The following PAPLN variants were observed in gnomAD, a reference collection of about 807,000 sequenced individuals.
PAPLN encodes the protein papilin.
PAPLN carries 146 observed loss-of-function variants against 159.0 expected under a neutral mutation model. The observed-to-expected ratio is 0.92, with a 90% CI of 0.80 to 1.05. The LOEUF is 1.05. PAPLN is among the 50% of genes least tolerant of loss of function. The pLI, the probability that PAPLN is intolerant of heterozygous loss-of-function variation, is 0.00. For missense variants in PAPLN, 1,720 were observed against 1,743.9 expected, an observed-to-expected ratio of 0.99 and a Z score of 0.24; for synonymous variants, 734 against 702.9, an observed-to-expected ratio of 1.04 and a Z score of -0.70.
In PAPLN at chr14:73,272,544, A is replaced by G; in HGVS notation, c.3717A>G (p.Pro1239=). 2 of 1,594,386 alleles carry G rather than the reference A, an allele frequency of 1.3e-6. No individual in the cohort carries two copies. The highest frequency in any genetic ancestry group is 1.7e-4 in the Middle Eastern group (1 of 5,994). ...CTGGCAGGGACTGCGTCGACCAGCC[A>G]GAGCTGGCCAACTGTGATTTGATCC... ...RDPGRDCVDQ[P]ELANCDLILQ... The change falls in exon 27 of 27, where the codon CCA becomes CCG. Residue 1239 remains proline (P), a synonymous_variant. Coordinates refer to ENST00000644200, the MANE Select transcript of PAPLN (RefSeq NM_001365906.3).
rs1380183186 is a variant in PAPLN, at chr14:73,259,487, A to G, written c.1927A>G (p.Thr643Ala). ...TCACGGGTGCTGCCCCGATGGCCACACGGCATCTCTCGGGCCTCAGTGGCA... is the reference window on the plus strand; with the variant it reads ...TCACGGGTGCTGCCCCGATGGCCACGCGGCATCTCTCGGGCCTCAGTGGCA... ...SPHGCCPDGH[T>A]ASLGPQWQGC... is the part of the protein sequence containing the mutation. Residue 643 changes from threonine (T) to alanine (A), a missense_variant, in exon 16 of 27, where the codon ACG becomes GCG. Physicochemically the swap from Thr to Ala is moderately conservative, Grantham distance 58. Transcript: ENST00000644200. The G allele has an allele frequency of 5.0e-6, 8 of 1,606,948 alleles. No homozygotes were observed. In the African/African-American group the frequency reaches 1.1e-4, roughly 21 times the overall value.
chr14:73,264,766 A>AG (rs779679146), intron 22 of PAPLN, 40 bp downstream of exon 22: 39 of 1,608,186 alleles, frequency 2.4e-5, no homozygotes, highest in Non-Finnish European at 2.7e-5. Context: ...CCCCCACGCC[A>AG]GGGCCAGGGC....
At position 73,273,124 on chromosome 14, in the gene PAPLN, T is replaced by C. The variant is rs2140323941; in HGVS notation, c.*460T>C. The C allele has an allele frequency of 6.6e-6, 1 of 152,262 alleles. No homozygotes were observed. The highest frequency in any genetic ancestry group is 2.4e-5 in the African/African-American group (1 of 41,324). The allele number at this position is 152,262 out of a possible 1,614,324, so 9.4% of individuals were successfully genotyped here. ...CCTTCTGAGTAGCTAGGATTACAGA[T>C]GCCTATCACCATGCCTGGGTAATTT... On this transcript the variant is annotated 3_prime_UTR_variant, in exon 27 of 27. Coordinates refer to ENST00000644200, the MANE Select transcript of PAPLN (RefSeq NM_001365906.3).
chr14:73,250,924 C>G lies in PAPLN; in HGVS notation c.483C>G (p.His161Gln), dbSNP rs774419908. The G allele has an allele frequency of 6.2e-7, 1 of 1,612,988 alleles. No individual in the cohort carries two copies. Among genetic ancestry groups the G allele is most frequent in the East Asian group, 2.2e-5 (1 of 44,822 alleles). Residue 161 changes from histidine to glutamine, a missense_variant, in exon 7 of 27, where the codon CAC becomes CAG. Physicochemically the swap from His to Gln is conservative, Grantham distance 24. Transcript: ENST00000644200. The stretch of plus-strand genomic sequence containing the variant: ...GCCCACAGGTTGTCGGCTGTGATCA[C>G]GAGCTGGACTCGTCCAAGCAGGAGG... Reference protein sequence around the residue: ...DGSCRVVGCDHELDSSKQEDK... With the variant: ...DGSCRVVGCDQELDSSKQEDK...
chr14:73,259,148 G>A, intron 15 of PAPLN, 89 bp downstream of exon 15: 2 of 1,530,764 alleles, frequency 1.3e-6, no homozygotes, highest in Non-Finnish European at 1.8e-6. Context: ...TCACAGTTGG[G>A]TGCAGCCATG....
At chr14:73,264,054 A>ACAGCCTCCCCTGAAGCATATTCCCC in intron 20 of PAPLN, 157 bp from the exon 21 acceptor site, 1 of 1,534,288 alleles carries the variant, frequency 6.5e-7, no homozygotes, top group Non-Finnish European at 8.7e-7. Flanking sequence ...GGTGTGTGTG[A>ACAGCCTCCCCTGAAGCATATTCCCC]CAGCCTCCCC....
At chr14:73,236,386 C>T (rs1015696923), upstream of PAPLN, among the ~76,000 whole-genome samples, 1 of 152,102 alleles carries the variant, frequency 6.6e-6, no homozygotes, top group Non-Finnish European at 1.5e-5. Flanking sequence ...ACCCCATCGG[C>T]CTGGGGTGGT....
intron 11 of PAPLN, 60 bp from the exon 12 acceptor site, chr14:73,253,694 C>G: frequency 6.8e-7 from 1 of 1,469,902 alleles, no homozygotes; most frequent in Non-Finnish European, 9.2e-7. Context: ...CAGAAACCCT[C>G]AGGGCTGGGT....
upstream of PAPLN, among the ~76,000 whole-genome samples, chr14:73,236,798 A>G (rs191243690): frequency 6.6e-6 from 1 of 151,194 alleles, no homozygotes; most frequent in African/African-American, 2.4e-5. Flanking sequence ...CCTGGGCAAC[A>G]AGAGTGAAAC....
intron 5 of PAPLN, among the ~76,000 whole-genome samples, chr14:73,247,674 G>A (rs1198959524): frequency 6.6e-6 from 1 of 150,520 alleles, no homozygotes; most frequent in Non-Finnish European, 1.5e-5. Context: ...GTGTGTGTGT[G>A]TGTGTGTTGT....
At position 73,268,742 on chromosome 14, in the gene PAPLN, C is replaced by T. The variant is rs751404350; in HGVS notation, c.3667+19C>T. On this transcript the variant is annotated intron_variant, in intron 26 of 26. Transcript: ENST00000644200. ...TCACCAGGTAGGAAAGGTCTATATC[C>T]GGGGATGGGAAGGACATTCCCCAGT... 4.4e-5 allele frequency: 70 copies of T among 1,584,518 alleles called. No individual in the cohort carries two copies. Among genetic ancestry groups the T allele is most frequent in the South Asian group, 3.4e-4 (30 of 87,150 alleles).
chr14:73,251,376 G>GTGT, intron 7 of PAPLN, 110 bp from the exon 8 acceptor site: 1 of 1,189,684 alleles, frequency 8.4e-7, no homozygotes, highest in Non-Finnish European at 1.2e-6. Context: ...TCTGGCTCTT[G>GTGT]TGTACCCTCC....
intron 3 of PAPLN, chr14:73,244,976 G>A: frequency 2.2e-6 from 1 of 448,020 alleles, no homozygotes; most frequent in South Asian, 3.1e-5. Flanking sequence ...CGTGCTGCCT[G>A]TTGCCCCTGG....
chr14:73,236,921 G>A (rs1278983532), upstream of PAPLN, among the ~76,000 whole-genome samples: 2 of 139,170 alleles, frequency 1.4e-5, no homozygotes, highest in Admixed American at 7.2e-5. Context: ...AGGGAGGGAG[G>A]GAAAGAAAGA....
rs560037737 is a variant in PAPLN at position 73,237,952 on chromosome 14, G to A, written c.-7+360G>A. ...TGCGCCCCTCCCGGGAGGTGCCACT[G>A]GGCCGCGGGCCTGGAGCGTCCGGGA... is the stretch of plus-strand genomic sequence containing the variant. On this transcript the variant is annotated intron_variant, in intron 1 of 26. Coordinates refer to ENST00000644200, the MANE Select transcript of PAPLN (RefSeq NM_001365906.3). Among the ~76,000 whole-genome samples the A allele has an allele frequency of 1.4e-4, 21 of 152,256 alleles. No individual in the cohort carries two copies. In the East Asian group the frequency reaches 4.1e-3, roughly 30 times the overall value.
rs61986932 is a variant in PAPLN, at chr14:73,245,245, C to A, written c.171-391C>A. The A allele has an allele frequency of 0.058, 13,265 of 229,578 alleles. 548 individuals carry two copies. Among genetic ancestry groups the A allele is most frequent in the Non-Finnish European group, 0.084 (9,645 of 114,240 alleles). The allele number at this position is 229,578 out of a possible 1,614,324, so 14.2% of individuals were successfully genotyped here. A position where few individuals can be genotyped will look rare whatever the true frequency, so the allele number is the denominator to read the frequency against. On this transcript the variant is annotated intron_variant, in intron 3 of 26. Transcript: ENST00000644200. The surrounding 1 kb of genome is among the most constrained non-coding windows in gnomAD (Gnocchi z 4.2). Reference sequence around the variant, plus strand: ...TGTATAGGGGTTGTTCCTGAGAACCCTATGTGAGGAGGAATGAGAGACCAG... The same window carrying A: ...TGTATAGGGGTTGTTCCTGAGAACCATATGTGAGGAGGAATGAGAGACCAG...
At chr14:73,261,434 G>C (rs1305811551) in intron 18 of PAPLN, 140 bp downstream of exon 18, 2 of 1,267,264 alleles carry the variant, frequency 1.6e-6, no homozygotes, top group African/African-American at 3.0e-5. Flanking sequence ...TTGCCTGCTA[G>C]GTGCCAGGCC....
At chr14:73,271,583 C>T (rs1887726354) in intron 26 of PAPLN, among the ~76,000 whole-genome samples, 1 of 151,806 alleles carries the variant, frequency 6.6e-6, no homozygotes, top group East Asian at 1.9e-4. Flanking sequence ...CTCACTGTAA[C>T]CTCTGCCTCC....
rs1320297883 is a variant in PAPLN at position 73,245,707 on chromosome 14, C to T, written c.231+11C>T. On this transcript the variant is annotated intron_variant, in intron 4 of 26. Coordinates refer to ENST00000644200, the MANE Select transcript of PAPLN (RefSeq NM_001365906.3). The surrounding 1 kb of genome is among the most constrained non-coding windows in gnomAD (Gnocchi z 4.2). Reference sequence around the variant, plus strand: ...TCTTGTCGCACGGAGGTAAAGCTCACGGGGCGCGGGCGAAGGCACCAGCTT... The same window carrying T: ...TCTTGTCGCACGGAGGTAAAGCTCATGGGGCGCGGGCGAAGGCACCAGCTT... The T allele has an allele frequency of 1.9e-5, 29 of 1,542,410 alleles. No homozygotes were observed. Among genetic ancestry groups the T allele is most frequent in the Non-Finnish European group, 2.4e-5 (27 of 1,147,946 alleles).
Sources: allele counts gnomAD v4.1 joint callset (sites outside exome capture counted in the v4.1 genomes callset), GRCh38; gene constraint gnomAD v4.1.1; non-coding constraint Gnocchi (gnomAD v3.1); transcripts MANE v1.5; gene names NCBI Gene and HGNC (gene_info 2026-07-23, HGNC 2026-07-21).